OCA2: variants seen among roughly 807,000 people sequenced by gnomAD.
OCA2 encodes OCA2 melanosomal transmembrane protein.
Under a neutral mutation model 100.2 loss-of-function variants are expected in OCA2, and 77 were observed. The observed-to-expected ratio is 0.77, with a 90% CI of 0.64 to 0.93. OCA2 has a LOEUF of 0.93. Among genes scored for constraint, OCA2 ranks in the 40% least tolerant of loss-of-function variants. OCA2 has a pLI of 0.00. For synonymous variants in OCA2, 432 were observed against 439.2 expected (o/e 0.98, Z 0.21); for missense variants, 1,062 against 1,089.1 (o/e 0.98, Z 0.35).
chr15:28,010,044 A>G (rs1595814090), intron 9 of OCA2, among the ~76,000 whole-genome samples: 1 of 152,136 alleles, frequency 6.6e-6, no homozygotes, highest in East Asian at 1.9e-4. Context: ...GTCTAGTCCA[A>G]TATTCTAAAA....
chr15:27,797,086 C>G (rs1397071822), intron 23 of OCA2, among the ~76,000 whole-genome samples: 1 of 152,208 alleles, frequency 6.6e-6, no homozygotes, highest in Non-Finnish European at 1.5e-5. Context: ...CTGCTGCCTC[C>G]CTTCACCTCT....
At chr15:27,901,210 C>T (rs963962544) in intron 19 of OCA2, among the ~76,000 whole-genome samples, 28 of 152,220 alleles carry the variant, frequency 1.8e-4, no homozygotes, top group African/African-American at 5.8e-4. Flanking sequence ...ACTGGACAAA[C>T]GATGTTTTTA....
At chr15:27,900,056 A>G (rs1319137681) in intron 19 of OCA2, among the ~76,000 whole-genome samples, 2 of 152,176 alleles carry the variant, frequency 1.3e-5, no homozygotes, top group Admixed American at 6.5e-5. Context: ...GGCAGTGACT[A>G]TGTTCTCAGG....
intron 22 of OCA2, among the ~76,000 whole-genome samples, chr15:27,846,064 G>A (rs2151384024): frequency 6.6e-6 from 1 of 152,240 alleles, no homozygotes; most frequent in African/African-American, 2.4e-5. Flanking sequence ...AGATCAGTGA[G>A]AGGTGGGGCT....
chr15:27,937,932 A>C (rs73375854), intron 18 of OCA2, among the ~76,000 whole-genome samples: 5,423 of 152,310 alleles, frequency 0.036, 351 homozygotes, highest in African/African-American at 0.12. Context: ...AAAGTTATCA[A>C]CCTAATCTTT....
intron 23 of OCA2, among the ~76,000 whole-genome samples, chr15:27,780,017 C>T (rs1012215439): frequency 1.4e-5 from 2 of 147,754 alleles, no homozygotes; most frequent in Non-Finnish European, 3.0e-5. Flanking sequence ...CTTACCATAA[C>T]AAAAATGTGT....
intron 23 of OCA2, among the ~76,000 whole-genome samples, chr15:27,761,430 T>A (rs911749485): frequency 6.6e-6 from 1 of 151,104 alleles, no homozygotes; most frequent in African/African-American, 2.4e-5. Flanking sequence ...CACACCAGCA[T>A]CTGTGTGCTG....
intron 18 of OCA2, among the ~76,000 whole-genome samples, chr15:27,935,294 G>A (rs894329449): frequency 2.0e-5 from 3 of 152,166 alleles, no homozygotes. Flanking sequence ...CCTCGAGTGG[G>A]CATTAATCTC....
intron 17 of OCA2, among the ~76,000 whole-genome samples, chr15:27,953,374 G>A (rs147321867): frequency 1.7e-4 from 26 of 152,276 alleles, no homozygotes; most frequent in African/African-American, 5.3e-4. Context: ...CCTGCCCACC[G>A]TGAAGGCTCA....
chr15:27,988,150 G>A (rs1436245244), intron 11 of OCA2, among the ~76,000 whole-genome samples: 2 of 152,080 alleles, frequency 1.3e-5, no homozygotes, highest in Non-Finnish European at 1.5e-5. Flanking sequence ...CAGGGATGGG[G>A]GTAAATGGTC....
chr15:28,028,788 C>T (rs1027816674), intron 3 of OCA2, among the ~76,000 whole-genome samples: 4 of 152,120 alleles, frequency 2.6e-5, no homozygotes, highest in South Asian at 2.1e-4. Context: ...CAGGTTCAAG[C>T]GATTCTCCTG....
At chr15:27,824,751 A>G (rs931665) in intron 23 of OCA2, among the ~76,000 whole-genome samples, 76,177 of 150,920 alleles carry the variant, frequency 0.5, 19,846 homozygotes, top group South Asian at 0.76. Flanking sequence ...AAAAGGCAAC[A>G]AACTTTTTTT....
At chr15:27,900,871 A>G (rs556295667) in intron 19 of OCA2, among the ~76,000 whole-genome samples, 23 of 152,330 alleles carry the variant, frequency 1.5e-4, no homozygotes, top group Admixed American at 1.0e-3. Context: ...TCCTATGAGA[A>G]TGATGGTTTG....
At chr15:27,724,765 C>A in the OCA2 span, among the ~76,000 whole-genome samples, 8,510 of 151,726 alleles carry the variant, frequency 0.056, 837 homozygotes, top group African/African-American at 0.19. Flanking sequence ...ATATTACATA[C>A]CTGATTCTTT....
At chr15:27,724,208 T>C in the OCA2 span, among the ~76,000 whole-genome samples, 1 of 152,180 alleles carries the variant, frequency 6.6e-6, no homozygotes, top group Admixed American at 6.5e-5. Context: ...GGGGGAGTCA[T>C]ACAGCCGACT....
chr15:27,884,070 C>T (rs142699046), intron 19 of OCA2, among the ~76,000 whole-genome samples: 3 of 152,268 alleles, frequency 2.0e-5, no homozygotes, highest in South Asian at 2.1e-4. Context: ...TATAAATCAT[C>T]GTTACTGCAA....
At chr15:28,066,807 T>G (rs2141717952) in intron 2 of OCA2, among the ~76,000 whole-genome samples, 1 of 152,250 alleles carries the variant, frequency 6.6e-6, no homozygotes, top group South Asian at 2.1e-4. Flanking sequence ...CCTATGAGAT[T>G]TCATCTACTT....
chr15:27,889,621 T>G lies in OCA2; in HGVS notation c.2080-17699A>C, dbSNP rs538373863. 9.8e-5 allele frequency among the ~76,000 whole-genome samples: 15 copies of G among 152,316 alleles called. No individual in the cohort carries two copies. In the South Asian group the frequency reaches 2.7e-3, roughly 27 times the overall value. On this transcript the variant is annotated intron_variant, in intron 19 of 23. Coordinates refer to ENST00000354638, the MANE Select transcript of OCA2 (RefSeq NM_000275.3). ...CCAGTGCCCATCCGTCATGGGGCAT[T>G]TGTTCAACATCAAAGCCTCACTGCC... is the stretch of plus-strand genomic sequence containing the variant.
At chr15:28,008,655 G>A (rs1052585962) in intron 9 of OCA2, among the ~76,000 whole-genome samples, 3 of 152,250 alleles carry the variant, frequency 2.0e-5, no homozygotes, top group Admixed American at 6.5e-5. Context: ...ACTGGCGAGT[G>A]TGCCCTTTCT....
Sources: gnomAD v4.1 joint callset for allele counts (sites outside exome capture counted in the v4.1 genomes callset) on GRCh38, gnomAD v4.1.1 for gene constraint, MANE v1.5 for transcripts, NCBI Gene and HGNC (gene_info 2026-07-23, HGNC 2026-07-21) for gene names.